DDB1: variants seen among roughly 807,000 people sequenced by gnomAD.
The protein encoded by DDB1 is DNA damage-binding protein 1.
A neutral mutation model predicts 133.1 loss-of-function variants in DDB1; 18 were observed. That is an observed-to-expected ratio of 0.14 (90% CI 0.09 to 0.20). The LOEUF is 0.20. Among genes scored for constraint, DDB1 ranks in the 10% least tolerant of loss-of-function variants. The pLI, the probability that DDB1 is intolerant of heterozygous loss-of-function variation, is 1.00. For missense variants in DDB1, 828 were observed against 1,459.2 expected, an observed-to-expected ratio of 0.57 and a Z score of 7.05; for synonymous variants, 580 against 550.5, an observed-to-expected ratio of 1.05 and a Z score of -0.75.
chr11:61,300,682 T>C, intron 26 of DDB1, 127 bp downstream of exon 26: 1 of 1,420,710 alleles, frequency 7.0e-7, no homozygotes, highest in Non-Finnish European at 9.6e-7. Context: ...TTCCATCTGG[T>C]AAGGATTACA....
chr11:61,331,895 A>C (rs1392662747), intron 1 of DDB1: 1 of 603,940 alleles, frequency 1.7e-6, no homozygotes, highest in East Asian at 3.0e-5. Flanking sequence ...CTACTTCCCT[A>C]ATCAGACTAA....
At chr11:61,301,775 A>G (rs912381890) in intron 25 of DDB1, 5 of 152,970 alleles carry the variant, frequency 3.3e-5, no homozygotes, top group South Asian at 2.1e-4. Flanking sequence ...AGGGCCCTTT[A>G]TATCTCCTGT....
At chr11:61,323,258 T>A in intron 7 of DDB1, 164 bp from the exon 8 acceptor site, 1 of 638,044 alleles carries the variant, frequency 1.6e-6, no homozygotes, top group Admixed American at 2.7e-5. Flanking sequence ...TGTTTCTAAA[T>A]CTCTGAAGTT....
rs1166229429 is a variant in DDB1, at chr11:61,313,977, A to G, written c.1754-8T>C. On this transcript the variant is annotated splice_polypyrimidine_tract_variant and splice_region_variant and intron_variant, in intron 14 of 26. Coordinates refer to ENST00000301764, the MANE Select transcript of DDB1 (RefSeq NM_001923.5). ...TGGAGCGAGGAATGATCTCTGTGAG[A>G]AAGGGGGACATTATGTTCTTGTTCC... The G allele has an allele frequency of 6.2e-7, 1 of 1,614,068 alleles. No individual in the cohort carries two copies. The highest frequency in any genetic ancestry group is 1.3e-5 in the African/African-American group (1 of 74,908).
chr11:61,333,057 C>A lies in DDB1; in HGVS notation c.-89G>T. 1 of 1,246,208 alleles carries A rather than the reference C, an allele frequency of 8.0e-7. No homozygotes were observed. The highest frequency in any genetic ancestry group is 1.1e-6 in the Non-Finnish European group (1 of 926,606). The allele number at this position is 1,246,208 out of a possible 1,614,324, so 77.2% of individuals were successfully genotyped here. ...AAGACAGGTGGCCCCCAACAGCGCG[C>A]AGCGAACTCCACTGCCGCTGCCTCC... On this transcript the variant is annotated 5_prime_UTR_variant, in exon 1 of 27. Transcript: ENST00000301764.
intron 25 of DDB1, 46 bp downstream of exon 25, chr11:61,302,211 T>C: frequency 6.5e-7 from 1 of 1,535,990 alleles, no homozygotes; most frequent in Non-Finnish European, 9.0e-7. Flanking sequence ...GTGCCACATA[T>C]GCCGGGATGT....
chr11:61,332,302 G>C (rs1430443204), intron 1 of DDB1: 1 of 153,170 alleles, frequency 6.5e-6, no homozygotes. Flanking sequence ...TGTGGGTTAA[G>C]ATGACTCTTC....
At position 61,299,790 on chromosome 11, in the gene DDB1, CACACAT is replaced by C; in HGVS notation, c.*340_*345del. The C allele has an allele frequency of 2.6e-6, 1 of 377,814 alleles. No individual in the cohort carries two copies. The highest frequency in any genetic ancestry group is 2.1e-5 in the African/African-American group (1 of 48,490). 23.4% of individuals were successfully genotyped at this position (377,814 alleles called of 1,614,324 possible). Reference sequence around the variant, plus strand: ...TGAGTGTGAGATACACATACACACACACACATACACACACACACACGCACAGCTTCC... The same window carrying C: ...TGAGTGTGAGATACACATACACACACACACACACACACACGCACAGCTTCC... On this transcript the variant is annotated 3_prime_UTR_variant, in exon 27 of 27. Transcript: ENST00000301764.
intron 25 of DDB1, 93 bp downstream of exon 25, chr11:61,302,164 C>G: frequency 9.0e-7 from 1 of 1,115,086 alleles, no homozygotes. Context: ...GGAACCTAAT[C>G]AAGACATGTA....
intron 2 of DDB1, among the ~76,000 whole-genome samples, chr11:61,331,166 A>G (rs957487777): frequency 6.6e-6 from 1 of 152,184 alleles, no homozygotes; most frequent in Non-Finnish European, 1.5e-5. Context: ...CTTCTAAAGA[A>G]GTCAACTTCA....
At chr11:61,325,527 T>A (rs1382995369) in intron 6 of DDB1, 84 bp downstream of exon 6, 1 of 1,177,464 alleles carries the variant, frequency 8.5e-7, no homozygotes. Flanking sequence ...GTGAATCTCC[T>A]TTTGATAAAT....
chr11:61,316,944 TAG>T (rs1286538421), intron 10 of DDB1, among the ~76,000 whole-genome samples: 363 of 14,772 alleles, frequency 0.025, 52 homozygotes, highest in Middle Eastern at 0.088. Context: ...AAAAAAAGGA[TAG>T]ATATATATAT....
chr11:61,302,691 G>T lies in DDB1; in HGVS notation c.3003C>A (p.Gly1001=). 6.2e-7 allele frequency: 1 copy of T among 1,614,170 alleles called. No individual in the cohort carries two copies. The highest frequency in any genetic ancestry group is 8.5e-7 in the Non-Finnish European group (1 of 1,180,036). The change falls in exon 24 of 27, where the codon GGC becomes GGA. Residue 1001 remains glycine, a synonymous_variant. Transcript: ENST00000301764. ...HLQEVGLFHL[G]EFVNVFCHGS... ...CGTGGCAAAAGACATTGACAAACTC[G>T]CCCAGGTGGAAAAGACCAACCTCCT...
chr11:61,310,490 C>T, intron 18 of DDB1, 72 bp from the exon 19 acceptor site: 1 of 1,484,446 alleles, frequency 6.7e-7, no homozygotes, highest in East Asian at 2.4e-5. Flanking sequence ...TGTGAAGGGA[C>T]CCGTCAGATC....
intron 20 of DDB1, among the ~76,000 whole-genome samples, 190 bp downstream of exon 20, chr11:61,309,606 G>C (rs1284632740): frequency 6.6e-6 from 1 of 151,920 alleles, no homozygotes; most frequent in Non-Finnish European, 1.5e-5. Flanking sequence ...AGAAAGAAAT[G>C]TAAGCTAAAT....
chr11:61,321,709 G>A lies in DDB1; in HGVS notation c.1123-12C>T. On this transcript the variant is annotated splice_polypyrimidine_tract_variant and intron_variant, in intron 9 of 26. Transcript: ENST00000301764. ...GAGCAAGTGACCAGCTGCAAGCAGA[G>A]AAAACGTTTCTAAAGAACCCCCTCA... 6.2e-7 allele frequency: 1 copy of A among 1,613,558 alleles called. No individual in the cohort carries two copies. The highest frequency in any genetic ancestry group is 8.5e-7 in the Non-Finnish European group (1 of 1,179,496).
intron 20 of DDB1, among the ~76,000 whole-genome samples, chr11:61,309,446 C>G (rs1855926790): frequency 6.6e-6 from 1 of 152,146 alleles, no homozygotes; most frequent in African/African-American, 2.4e-5. Context: ...AGAGTTGAAG[C>G]TGGAAAGAGC....
chr11:61,316,960 TATATATATATATATATATATATATATATA>T (rs1856088761), intron 10 of DDB1, among the ~76,000 whole-genome samples: 1 of 21,082 alleles, frequency 4.7e-5, no homozygotes, highest in East Asian at 1.2e-3. Flanking sequence ...TATATATATA[TATATATATATATATATATATATATATATA>T]TATATATATA....
At chr11:61,314,599 C>T (rs1008211493) in intron 12 of DDB1, 113 bp from the exon 13 acceptor site, 4 of 1,054,362 alleles carry the variant, frequency 3.8e-6, no homozygotes, top group African/African-American at 3.2e-5. Flanking sequence ...CTACATGAGG[C>T]TTCTATTTCT....
Sources: gnomAD v4.1 joint callset for allele counts (sites outside exome capture counted in the v4.1 genomes callset) on GRCh38, gnomAD v4.1.1 for gene constraint, MANE v1.5 for transcripts, NCBI Gene and HGNC (gene_info 2026-07-23, HGNC 2026-07-21) for gene names.